Variants in PAFAH2 observed in about 807,000 individuals in gnomAD.
The protein encoded by PAFAH2 is platelet activating factor acetylhydrolase 2.
Under a neutral mutation model 49.0 loss-of-function variants are expected in PAFAH2, and 42 were observed. The ratio of observed to expected loss-of-function variants is 0.86; its 90% CI spans 0.67 to 1.11. The LOEUF is 1.11. PAFAH2 is among the 50% of genes least tolerant of loss of function. The pLI is 0.00. For missense variants in PAFAH2, 503 were observed against 501.8 expected (o/e 1.00, Z -0.02); for synonymous variants, 184 against 181.3 (o/e 1.01, Z -0.12).
At chr1:25,986,033 T>C (rs778692870) in intron 4 of PAFAH2, among the ~76,000 whole-genome samples, 2 of 152,244 alleles carry the variant, frequency 1.3e-5, no homozygotes, top group Non-Finnish European at 2.9e-5. Flanking sequence ...GCCAGAGCAA[T>C]AGAAGACAGA....
At chr1:25,972,385 A>G (rs1051341481) in intron 10 of PAFAH2, among the ~76,000 whole-genome samples, 173 bp downstream of exon 10, 11 of 151,934 alleles carry the variant, frequency 7.2e-5, no homozygotes, top group Non-Finnish European at 1.5e-5. Flanking sequence ...GGCGTGAGCC[A>G]CTGCACCTGG....
intron 4 of PAFAH2, among the ~76,000 whole-genome samples, chr1:25,985,526 A>T (rs1459234240): frequency 6.6e-6 from 1 of 152,198 alleles, no homozygotes; most frequent in African/African-American, 2.4e-5. Context: ...GTGAAGTCTC[A>T]ATACAGATTC....
chr1:25,977,083 C>T (rs1178800216), intron 7 of PAFAH2, among the ~76,000 whole-genome samples: 1 of 134,734 alleles, frequency 7.4e-6, no homozygotes, highest in African/African-American at 2.9e-5. Context: ...AGTGCAGTGG[C>T]GCGATCTCGG....
intron 1 of PAFAH2, among the ~76,000 whole-genome samples, chr1:25,997,050 T>C (rs535733190): frequency 6.6e-6 from 1 of 152,308 alleles, no homozygotes; most frequent in Non-Finnish European, 1.5e-5. Context: ...GCAGCTGTCC[T>C]CTCCTGCTGG....
At chr1:25,990,619 C>G (rs1224211073) in intron 2 of PAFAH2, 108 bp downstream of exon 2, 8 of 897,440 alleles carry the variant, frequency 8.9e-6, no homozygotes, top group Non-Finnish European at 1.2e-5. Context: ...CAGACCCGCT[C>G]TAATTCATTT....
intron 7 of PAFAH2, among the ~76,000 whole-genome samples, chr1:25,978,943 A>G (rs1475056300): frequency 6.6e-6 from 1 of 152,266 alleles, no homozygotes; most frequent in Non-Finnish European, 1.5e-5. Context: ...TTAGGTTACT[A>G]TCAAACTTTT....
rs559573102 is a variant in PAFAH2, at chr1:25,986,774, A to G, written c.341+1457T>C. On this transcript the variant is annotated intron_variant, in intron 4 of 10. Coordinates refer to ENST00000374282, the MANE Select transcript of PAFAH2 (RefSeq NM_000437.4). ...TCGAACTCCCAACCTCAGGTGATCCACCCACCTCGGCCTCCCAAAATGCTG... is the reference window on the plus strand; with the variant it reads ...TCGAACTCCCAACCTCAGGTGATCCGCCCACCTCGGCCTCCCAAAATGCTG... 7.4e-4 allele frequency among the ~76,000 whole-genome samples: 113 copies of G among 151,754 alleles called. 1 individual carries two copies. Among genetic ancestry groups the G allele is most frequent in the Non-Finnish European group, 1.3e-3 (89 of 67,920 alleles).
intron 10 of PAFAH2, chr1:25,964,102 GGAGCCACTGGAGAATTCGGAGCAGAAGA>G: frequency 6.6e-6 from 1 of 152,282 alleles, no homozygotes; most frequent in East Asian, 1.9e-4. Flanking sequence ...AGGGAGACTG[GGAGCCACTGGAGAATTCGGAGCAGAAGA>G]GTGAGAAGAT....
Position 25,962,062 on chromosome 1 carries a change from T to C in PAFAH2, c.1106A>G (p.Gln369Arg). 6.2e-7 allele frequency: 1 copy of C among 1,613,654 alleles called. No homozygotes were observed. The highest frequency in any genetic ancestry group is 8.5e-7 in the Non-Finnish European group (1 of 1,179,796). Residue 369 changes from glutamine (Q) to arginine (R), a missense_variant, in exon 11 of 11, where the codon CAA (glutamine) becomes CGA (arginine). Transcript: ENST00000374282. ...KHLDLKEDYNQWNNLIEGIGP... is the reference protein window; with the variant it reads ...KHLDLKEDYNRWNNLIEGIGP... Reference sequence around the variant, plus strand: ...AATGCCTTCAATAAGGTTGTTCCATTGATTATAGTCTTCTTTCAGGTCTGA... The same window carrying C: ...AATGCCTTCAATAAGGTTGTTCCATCGATTATAGTCTTCTTTCAGGTCTGA...
chr1:25,972,824 C>T (rs1210955019), intron 9 of PAFAH2, 112 bp from the exon 10 acceptor site: 2 of 1,052,532 alleles, frequency 1.9e-6, no homozygotes, highest in African/African-American at 3.2e-5. Flanking sequence ...ACTTTATTTT[C>T]ACAGCAACCT....
chr1:25,965,930 C>G (rs955572047), intron 10 of PAFAH2, among the ~76,000 whole-genome samples: 5 of 141,312 alleles, frequency 3.5e-5, no homozygotes, highest in Admixed American at 1.4e-4. Flanking sequence ...AGAAACTGGA[C>G]TCAAAAAAAG....
intron 4 of PAFAH2, 107 bp downstream of exon 4, chr1:25,988,124 G>T: frequency 1.4e-6 from 1 of 707,622 alleles, no homozygotes; most frequent in Non-Finnish European, 2.4e-6. Flanking sequence ...AGATAAGACA[G>T]CTAGCAGATG....
chr1:25,994,456 A>G (rs1189373256), intron 1 of PAFAH2, among the ~76,000 whole-genome samples: 1 of 152,114 alleles, frequency 6.6e-6, no homozygotes, highest in Admixed American at 6.5e-5. Context: ...ATCTTATGCA[A>G]GTTATCTGAT....
chr1:25,991,133 G>A (rs2049868169), intron 1 of PAFAH2, among the ~76,000 whole-genome samples: 1 of 152,190 alleles, frequency 6.6e-6, no homozygotes. Flanking sequence ...TTATCCAGCA[G>A]CTACTGCTGC....
intron 10 of PAFAH2, among the ~76,000 whole-genome samples, chr1:25,970,710 C>T (rs886552998): frequency 6.6e-5 from 10 of 151,948 alleles, no homozygotes; most frequent in Non-Finnish European, 2.9e-5. Context: ...CCCAGCCTCC[C>T]GAGTAGCTGG....
At chr1:25,972,429 C>T in intron 10 of PAFAH2, 129 bp downstream of exon 10, 1 of 1,023,684 alleles carries the variant, frequency 9.8e-7, no homozygotes, top group Non-Finnish European at 1.4e-6. Context: ...GTAAGTCTCT[C>T]CTTCACTCAG....
intron 3 of PAFAH2, 108 bp downstream of exon 3, chr1:25,989,340 A>T: frequency 9.5e-7 from 1 of 1,051,646 alleles, no homozygotes; most frequent in Non-Finnish European, 1.3e-6. Flanking sequence ...GATGCCCCTT[A>T]CAAAAGCCTG....
At chr1:25,987,075 C>T (rs1037280417) in intron 4 of PAFAH2, among the ~76,000 whole-genome samples, 2 of 150,594 alleles carry the variant, frequency 1.3e-5, no homozygotes, top group African/African-American at 4.9e-5. Flanking sequence ...GAAGCCCTGT[C>T]TCTACAAAAA....
At chr1:25,967,485 TA>T (rs916836663) in intron 10 of PAFAH2, among the ~76,000 whole-genome samples, 46 of 151,648 alleles carry the variant, frequency 3.0e-4, no homozygotes, top group African/African-American at 9.0e-4. Context: ...AACATGGAGA[TA>T]GGGGGAAGTC....
Sources: allele counts gnomAD v4.1 joint callset (sites outside exome capture counted in the v4.1 genomes callset), GRCh38; gene constraint gnomAD v4.1.1; transcripts MANE v1.5; gene names NCBI Gene and HGNC (gene_info 2026-07-23, HGNC 2026-07-21).